The following GRB2 variants were observed in gnomAD, a reference collection of about 807,000 sequenced individuals.
GRB2 encodes growth factor receptor bound protein 2.
GRB2 carries 2 observed loss-of-function variants against 27.4 expected under a neutral mutation model. That is an observed-to-expected ratio of 0.07 (90% CI 0.03 to 0.23). The LOEUF (loss-of-function observed/expected upper bound fraction) is 0.23. Ranked by LOEUF, GRB2 falls within the 10% of genes least tolerant of loss-of-function variation. The probability of loss-of-function intolerance (pLI) is 1.00; values close to 1 mark genes in which losing one functional copy is unlikely to be tolerated. For synonymous variants in GRB2, 94 were observed against 99.6 expected, an observed-to-expected ratio of 0.94 and a Z score of 0.33; for missense variants, 102 against 282.4, an observed-to-expected ratio of 0.36 and a Z score of 4.58.
At chr17:75,321,909 C>G (rs539198769) in intron 4 of GRB2, 82 bp from the exon 5 acceptor site, 1 of 1,337,000 alleles carries the variant, frequency 7.5e-7, no homozygotes, top group Non-Finnish European at 1.0e-6. Flanking sequence ...GGAGCTATCT[C>G]GAGAGAACCA....
intron 4 of GRB2, among the ~76,000 whole-genome samples, chr17:75,322,146 G>A (rs2078464484): frequency 6.6e-6 from 1 of 152,142 alleles, no homozygotes; most frequent in Admixed American, 6.6e-5. Flanking sequence ...GCCGTGGTGG[G>A]CAGATCACCT....
intron 1 of GRB2, 175 bp from the exon 2 acceptor site, chr17:75,393,940 G>T: frequency 2.3e-6 from 1 of 429,902 alleles, no homozygotes; most frequent in South Asian, 3.2e-5. Context: ...TTCAGCCTCG[G>T]CCCCCAGGCG....
At chr17:75,356,099 G>A (rs143886407) in intron 2 of GRB2, among the ~76,000 whole-genome samples, 30 of 152,088 alleles carry the variant, frequency 2.0e-4, no homozygotes, top group African/African-American at 7.0e-4. Context: ...CTCCCAAAGT[G>A]CTAAGATTAC....
intron 2 of GRB2, among the ~76,000 whole-genome samples, chr17:75,367,975 C>T (rs2078830841): frequency 6.6e-6 from 1 of 152,058 alleles, no homozygotes; most frequent in African/African-American, 2.4e-5. Context: ...CCCTGCCTCC[C>T]AAGTTCAAGC....
In GRB2 at chr17:75,354,423, C is replaced by T. The variant is rs899976238; in HGVS notation, c.79-21626G>A. On this transcript the variant is annotated intron_variant, in intron 2 of 5. Coordinates refer to ENST00000316804, the MANE Select transcript of GRB2 (RefSeq NM_002086.5). The stretch of plus-strand genomic sequence containing the variant: ...GATTACAGGTGCCTGCCACCACAAC[C>T]GGCTAATTTTTCTATTTTTAGTAGA... 6.6e-5 allele frequency among the ~76,000 whole-genome samples: 10 copies of T among 152,196 alleles called. No homozygotes were observed. In the South Asian group the frequency reaches 1.2e-3, roughly 19 times the overall value.
chr17:75,385,556 TAAAA>T (rs914825168), intron 2 of GRB2, among the ~76,000 whole-genome samples: 1 of 151,332 alleles, frequency 6.6e-6, no homozygotes, highest in East Asian at 1.9e-4. Flanking sequence ...AAAATAAAAA[TAAAA>T]AAAGGGAAAA....
chr17:75,347,492 G>A (rs888522049), intron 2 of GRB2, among the ~76,000 whole-genome samples: 3 of 151,998 alleles, frequency 2.0e-5, no homozygotes, highest in Admixed American at 6.6e-5. Flanking sequence ...CCTGTTCTGA[G>A]CCCATAAAAG....
intron 2 of GRB2, among the ~76,000 whole-genome samples, chr17:75,356,181 C>T (rs1045087351): frequency 6.6e-6 from 1 of 152,084 alleles, no homozygotes; most frequent in Non-Finnish European, 1.5e-5. Flanking sequence ...GATATGAGTA[C>T]ATTTCCCCCT....
chr17:75,358,097 T>C (rs1274703061), intron 2 of GRB2, among the ~76,000 whole-genome samples: 9 of 152,170 alleles, frequency 5.9e-5, no homozygotes, highest in Admixed American at 6.5e-5. Flanking sequence ...ATTGATGTAA[T>C]CTAAATGATG....
chr17:75,350,907 G>A (rs1194665464), intron 2 of GRB2, among the ~76,000 whole-genome samples: 3 of 152,176 alleles, frequency 2.0e-5, no homozygotes, highest in Non-Finnish European at 2.9e-5. Flanking sequence ...AGAGGAATGC[G>A]CAGGTGCAAA....
intron 2 of GRB2, among the ~76,000 whole-genome samples, chr17:75,386,424 C>T (rs116119604): frequency 3.8e-4 from 58 of 152,222 alleles, no homozygotes; most frequent in African/African-American, 1.3e-3. Context: ...GGCCTTAGAA[C>T]AAATTCTTAA....
chr17:75,326,127 C>A (rs1019549080), intron 3 of GRB2, 107 bp from the exon 4 acceptor site: 3 of 1,315,024 alleles, frequency 2.3e-6, no homozygotes, highest in African/African-American at 1.4e-5. Context: ...AGGAAGGGGC[C>A]TCCCTCCTCA....
At chr17:75,325,811 G>C in intron 4 of GRB2, 87 bp downstream of exon 4, 1 of 1,336,316 alleles carries the variant, frequency 7.5e-7, no homozygotes, top group South Asian at 1.2e-5. Context: ...CCACCATTTT[G>C]TGTGTAGCCA....
chr17:75,321,601 CA>C, intron 5 of GRB2, 57 bp downstream of exon 5: 1 of 1,519,284 alleles, frequency 6.6e-7, no homozygotes, highest in South Asian at 1.1e-5. Context: ...TACAGGAATG[CA>C]CACTGAGGAG....
chr17:75,396,044 G>C (rs557706384), intron 1 of GRB2, among the ~76,000 whole-genome samples: 129 of 152,024 alleles, frequency 8.5e-4, no homozygotes, highest in African/African-American at 3.0e-3. Context: ...CACCATGTTG[G>C]CCAGGCTGGT....
intron 2 of GRB2, among the ~76,000 whole-genome samples, chr17:75,361,188 T>C (rs1265128640): frequency 6.6e-6 from 1 of 152,056 alleles, no homozygotes. Flanking sequence ...AAACCAGAGC[T>C]CAAAGAGGTC....
chr17:75,376,847 A>G (rs1034292358), intron 2 of GRB2, among the ~76,000 whole-genome samples: 4 of 152,002 alleles, frequency 2.6e-5, no homozygotes, highest in African/African-American at 9.7e-5. Context: ...ACAAAACAAA[A>G]CAAAACAAAC....
At chr17:75,400,965 A>ATTT (rs35284165) in intron 1 of GRB2, among the ~76,000 whole-genome samples, 1 of 142,364 alleles carries the variant, frequency 7.0e-6, no homozygotes, top group Non-Finnish European at 1.5e-5. Flanking sequence ...GGATATATCA[A>ATTT]TTTTTTTTTT....
chr17:75,366,901 T>C (rs2078823600), intron 2 of GRB2, among the ~76,000 whole-genome samples: 2 of 151,910 alleles, frequency 1.3e-5, no homozygotes, highest in African/African-American at 2.4e-5. Context: ...AATAACTAGA[T>C]CACCAATAAG....
Sources: allele counts gnomAD v4.1 joint callset (sites outside exome capture counted in the v4.1 genomes callset), GRCh38; gene constraint gnomAD v4.1.1; transcripts MANE v1.5; gene names NCBI Gene and HGNC (gene_info 2026-07-23, HGNC 2026-07-21).